Variants in TMEM63B observed in about 807,000 individuals in gnomAD.
The protein encoded by TMEM63B is mechanosensitive cation channel TMEM63B.
TMEM63B carries 23 observed loss-of-function variants against 102.6 expected under a neutral mutation model. The observed-to-expected ratio is 0.22, with a 90% CI of 0.16 to 0.32. TMEM63B has a LOEUF of 0.32. Among genes scored for constraint, TMEM63B ranks in the 10% least tolerant of loss-of-function variants. The pLI is 1.00. For missense variants in TMEM63B, 628 were observed against 1,095.9 expected (o/e 0.57, Z 6.03); for synonymous variants, 444 against 437.0 (o/e 1.02, Z -0.20).
chr6:44,134,512 A>T, intron 1 of TMEM63B, 49 bp from the exon 2 acceptor site: 1 of 1,569,814 alleles, frequency 6.4e-7, no homozygotes. Context: ...CTACTGGGCC[A>T]TGAAGGGGAT....
intron 10 of TMEM63B, among the ~76,000 whole-genome samples, chr6:44,143,936 T>G (rs1206130893): frequency 6.6e-6 from 1 of 152,226 alleles, no homozygotes; most frequent in Non-Finnish European, 1.5e-5. Flanking sequence ...ATACCTACTA[T>G]GTGCTTCATG....
At chr6:44,153,360 C>G (rs1172985381) in intron 20 of TMEM63B, among the ~76,000 whole-genome samples, 1 of 152,132 alleles carries the variant, frequency 6.6e-6, no homozygotes, top group Non-Finnish European at 1.5e-5. Context: ...AGAACTTGTC[C>G]CTTAATTTAT....
intron 6 of TMEM63B, among the ~76,000 whole-genome samples, chr6:44,139,089 C>A (rs1161297053): frequency 1.3e-5 from 2 of 152,168 alleles, no homozygotes; most frequent in Non-Finnish European, 2.9e-5. Flanking sequence ...GGTCCTCCTC[C>A]TCTCTTGCCT....
At chr6:44,138,459 G>C in intron 5 of TMEM63B, 21 bp from the exon 6 acceptor site, 1 of 1,614,012 alleles carries the variant, frequency 6.2e-7, no homozygotes, top group Non-Finnish European at 8.5e-7. Flanking sequence ...GACTCCCGCT[G>C]ACAGCCCTCT....
At position 44,154,854 on chromosome 6, in the gene TMEM63B, A is replaced by G; in HGVS notation, c.2470A>G (p.Ser824Gly). 1 of 1,594,494 alleles carries G rather than the reference A, an allele frequency of 6.3e-7. No homozygotes were observed. The highest frequency in any genetic ancestry group is 8.5e-7 in the Non-Finnish European group (1 of 1,171,714). Residue 824 changes from serine (S) to glycine (G), a missense_variant, in exon 24 of 24, where the codon AGC (serine) becomes GGC (glycine). Transcript: ENST00000323267. ...TDTDFQSCEDSLIENEIHQ is the reference protein window; with the variant it reads ...TDTDFQSCEDGLIENEIHQ ...CACAGACTTCCAGTCTTGCGAGGAC[A>G]GCCTCATAGAGAATGAGATTCACCA...
At chr6:44,131,683 C>T (rs978228971) in intron 1 of TMEM63B, among the ~76,000 whole-genome samples, 1 of 152,116 alleles carries the variant, frequency 6.6e-6, no homozygotes, top group South Asian at 2.1e-4. Context: ...CGCGCCACTG[C>T]ACTCCACTCT....
intron 1 of TMEM63B, 112 bp from the exon 2 acceptor site, chr6:44,134,449 T>C (rs1326195661): frequency 3.5e-6 from 4 of 1,142,734 alleles, no homozygotes; most frequent in Non-Finnish European, 4.8e-6. Context: ...AGAGCTTCCA[T>C]CCACCCAGGC....
chr6:44,154,776 T>C lies in TMEM63B; in HGVS notation c.2392T>C (p.Ser798Pro), dbSNP rs766406475. 6.2e-7 allele frequency: 1 copy of C among 1,609,494 alleles called. No homozygotes were observed. The highest frequency in any genetic ancestry group is 1.7e-5 in the Admixed American group (1 of 59,478). ...TGGGAGCTCAGGGGATGAGCCCCCATCATCCTCATCCCAAGATGAGGAGTT... is the reference window on the plus strand; with the variant it reads ...TGGGAGCTCAGGGGATGAGCCCCCACCATCCTCATCCCAAGATGAGGAGTT... ...APGSSGDEPP[S>P]SSSQDEELLM... The change falls in exon 24 of 24, where the codon TCA becomes CCA. Residue 798 changes from serine to proline, a missense_variant. Around this residue, in one of 6 missense-constraint regions of TMEM63B, gnomAD observed 129 missense variants for 153.5 expected, o/e 0.84. Transcript: ENST00000323267.
rs377469235 is a variant in TMEM63B at position 44,128,858 on chromosome 6, G to A, written c.-25+1180G>A. On this transcript the variant is annotated intron_variant, in intron 1 of 23. Coordinates refer to ENST00000323267, the MANE Select transcript of TMEM63B (RefSeq NM_018426.3). The stretch of plus-strand genomic sequence containing the variant: ...TCCAGGCCTTGGCATGCCCCAGGTG[G>A]CACATGCTGGGGCCTGCTGTTGGCT... Among the ~76,000 whole-genome samples, 146 of 152,338 alleles carry A rather than the reference G, an allele frequency of 9.6e-4. 4 individuals carry two copies. The South Asian group carries it at 0.03, about 31-fold the overall frequency.
chr6:44,153,490 G>T (rs539016129), intron 20 of TMEM63B, among the ~76,000 whole-genome samples, 186 bp from the exon 21 acceptor site: 1 of 152,228 alleles, frequency 6.6e-6, no homozygotes, highest in Non-Finnish European at 1.5e-5. Flanking sequence ...AGAATGAGGG[G>T]TTGTAGCGGA....
chr6:44,138,623 G>A (rs1365599773), intron 6 of TMEM63B, 106 bp downstream of exon 6: 9 of 1,316,320 alleles, frequency 6.8e-6, no homozygotes, highest in African/African-American at 2.9e-5. Context: ...AGCACTCCTC[G>A]CCAGCACAGC....
chr6:44,152,085 G>T lies in TMEM63B; in HGVS notation c.1836+77G>T. ...ACAAGAAACAGCAGCCATCGCGCTA[G>T]GGTTGAGGGGCACAGGAGGGCTGAG... On this transcript the variant is annotated intron_variant, in intron 19 of 23. Transcript: ENST00000323267. The surrounding 1 kb of genome is among the most constrained non-coding windows in gnomAD (Gnocchi z 6.4). The T allele has an allele frequency of 1.3e-6, 2 of 1,484,674 alleles. No individual in the cohort carries two copies. The highest frequency in any genetic ancestry group is 1.3e-5 in the South Asian group (1 of 79,240). 92.0% of individuals were successfully genotyped at this position (1,484,674 alleles called of 1,614,324 possible).
chr6:44,143,818 A>G (rs867253811), intron 10 of TMEM63B, among the ~76,000 whole-genome samples: 3 of 152,084 alleles, frequency 2.0e-5, no homozygotes, highest in African/African-American at 7.2e-5. Flanking sequence ...AAGGGTTGCT[A>G]TTTCTGATGG....
At position 44,148,745 on chromosome 6, in the gene TMEM63B, C is replaced by T; in HGVS notation, c.1260-47C>T. The stretch of plus-strand genomic sequence containing the variant: ...GGAGTGTCTTGGTGTCACTGGGGGC[C>T]AATCCTGCCCTTGGTTCCTGGACTG... On this transcript the variant is annotated intron_variant, in intron 14 of 23. Transcript: ENST00000323267. The surrounding 1 kb of genome is among the most constrained non-coding windows in gnomAD (Gnocchi z 5.1). 6.2e-7 allele frequency: 1 copy of T among 1,611,846 alleles called. No homozygotes were observed.
In TMEM63B at chr6:44,154,950, C is replaced by T. The variant is rs1156427420; in HGVS notation, c.*67C>T. ...ACCCCCACTCCCACGGACACTAAAACGCTAATAATTTATTAGATCTAAAGC... is the reference window on the plus strand; with the variant it reads ...ACCCCCACTCCCACGGACACTAAAATGCTAATAATTTATTAGATCTAAAGC... On this transcript the variant is annotated 3_prime_UTR_variant, in exon 24 of 24. Coordinates refer to ENST00000323267, the MANE Select transcript of TMEM63B (RefSeq NM_018426.3). The T allele has an allele frequency of 1.0e-5, 14 of 1,379,142 alleles. No individual in the cohort carries two copies. Among genetic ancestry groups the T allele is most frequent in the East Asian group, 5.2e-5 (2 of 38,614 alleles). The allele number at this position is 1,379,142 out of a possible 1,614,324, so 85.4% of individuals were successfully genotyped here.
chr6:44,154,260 G>A (rs1037857141), intron 22 of TMEM63B, 72 bp downstream of exon 22: 13 of 1,598,662 alleles, frequency 8.1e-6, no homozygotes, highest in Non-Finnish European at 1.1e-5. Flanking sequence ...GGGCCACAGG[G>A]CTGGCGAGGG....
intron 10 of TMEM63B, among the ~76,000 whole-genome samples, chr6:44,145,927 T>C (rs547396510): frequency 6.6e-6 from 1 of 152,286 alleles, no homozygotes; most frequent in African/African-American, 2.4e-5. Flanking sequence ...GGGTCAGGGT[T>C]AGGAGGTCAG....
chr6:44,145,993 G>C (rs1311777765), intron 10 of TMEM63B, among the ~76,000 whole-genome samples: 1 of 152,074 alleles, frequency 6.6e-6, no homozygotes, highest in Admixed American at 6.5e-5. Context: ...GGGCTTAAGG[G>C]TCAGTCTTTG....
Position 44,148,929 on chromosome 6 carries a change from C to A in TMEM63B, c.1397C>A (p.Pro466His). Residue 466 changes from proline to histidine, a missense_variant, in exon 15 of 24, where the codon CCT (proline) becomes CAT (histidine). Around this residue, in one of 6 missense-constraint regions of TMEM63B, gnomAD observed 61 missense variants for 176.0 expected, o/e 0.35. Transcript: ENST00000323267. This position sits in a 1 kb window ranked among gnomAD's most constrained non-coding sequence, Gnocchi z 5.1. ...ATGGACAAGTTCAACGTCACCAAGC[C>A]TGTGGAGTACCTCAACGTGAGGCCT... is the stretch of plus-strand genomic sequence containing the variant. The part of the protein sequence containing the change: ...TTMDKFNVTK[P>H]VEYLNNPIIT... The A allele has an allele frequency of 6.2e-7, 1 of 1,614,142 alleles. No homozygotes were observed. Among genetic ancestry groups the A allele is most frequent in the Non-Finnish European group, 8.5e-7 (1 of 1,180,026 alleles).
Sources: allele counts gnomAD v4.1 joint callset (sites outside exome capture counted in the v4.1 genomes callset), GRCh38; gene constraint gnomAD v4.1.1; regional missense constraint gnomAD v4.1.1; non-coding constraint Gnocchi (gnomAD v3.1); transcripts MANE v1.5; gene names NCBI Gene and HGNC (gene_info 2026-07-23, HGNC 2026-07-21).